The following ATP2B2 variants were observed in gnomAD, a reference collection of about 807,000 sequenced individuals.
ATP2B2 encodes plasma membrane calcium-transporting ATPase 2.
In ATP2B2, 15 loss-of-function variants were observed where a neutral mutation model predicts 120.0. That is an observed-to-expected ratio of 0.12 (90% CI 0.08 to 0.19). The LOEUF is 0.19. ATP2B2 is among the 10% of genes least tolerant of loss of function. The pLI is 1.00. For synonymous variants in ATP2B2, 694 were observed against 700.3 expected (o/e 0.99, Z 0.14); for missense variants, 1,045 against 1,719.8 (o/e 0.61, Z 6.94).
intron 2 of ATP2B2, among the ~76,000 whole-genome samples, chr3:10,556,336 G>T (rs1444193579): frequency 1.3e-5 from 2 of 152,204 alleles, no homozygotes; most frequent in African/African-American, 4.8e-5. Flanking sequence ...CACTAGCACT[G>T]GGGGGACAAG....
At chr3:10,574,226 T>C (rs1486343377) in intron 2 of ATP2B2, among the ~76,000 whole-genome samples, 1 of 152,202 alleles carries the variant, frequency 6.6e-6, no homozygotes, top group East Asian at 1.9e-4. Context: ...CCGCTGAGCC[T>C]AGGAGTCTAT....
chr3:10,402,480 T>G lies in ATP2B2; in HGVS notation c.398-132A>C. 1 of 1,338,694 alleles carries G rather than the reference T, an allele frequency of 7.5e-7. No individual in the cohort carries two copies. Among genetic ancestry groups the G allele is most frequent in the South Asian group, 1.2e-5 (1 of 83,296 alleles). 82.9% of individuals were successfully genotyped at this position (1,338,694 alleles called of 1,614,324 possible). A position where few individuals can be genotyped will look rare whatever the true frequency, so the allele number is the denominator to read the frequency against. ...AGATGATAATTATCCACTTACTCAGTGTGTCTGGGTACCAAGCCCTGTGGA... is the reference window on the plus strand; with the variant it reads ...AGATGATAATTATCCACTTACTCAGGGTGTCTGGGTACCAAGCCCTGTGGA... On this transcript the variant is annotated intron_variant, in intron 3 of 22. Coordinates refer to ENST00000360273, the MANE Select transcript of ATP2B2 (RefSeq NM_001001331.4). This position sits in a 1 kb window ranked among gnomAD's most constrained non-coding sequence, Gnocchi z 4.9.
intron 3 of ATP2B2, among the ~76,000 whole-genome samples, chr3:10,529,678 C>A (rs1177502744): frequency 6.6e-6 from 1 of 152,126 alleles, no homozygotes; most frequent in Non-Finnish European, 1.5e-5. Context: ...TATGTCCTCC[C>A]AAAAAGATAG....
At chr3:10,395,490 C>T (rs1162953017) in intron 5 of ATP2B2, among the ~76,000 whole-genome samples, 4 of 152,198 alleles carry the variant, frequency 2.6e-5, no homozygotes, top group African/African-American at 7.2e-5. Flanking sequence ...GGGAGAAGGC[C>T]ATCACATCTG....
intron 3 of ATP2B2, among the ~76,000 whole-genome samples, chr3:10,529,182 C>T (rs935041838): frequency 1.3e-5 from 2 of 152,216 alleles, no homozygotes; most frequent in African/African-American, 4.8e-5. Flanking sequence ...GTTCTCAGAC[C>T]ACCCAGGAAG....
At chr3:10,501,463 C>T (rs1446181306) in intron 1 of ATP2B2, among the ~76,000 whole-genome samples, 2 of 151,848 alleles carry the variant, frequency 1.3e-5, no homozygotes, top group African/African-American at 2.4e-5. Flanking sequence ...CTTGACCTCC[C>T]GGACTCAAGC....
At position 10,371,986 on chromosome 3, in the gene ATP2B2, T is replaced by G; in HGVS notation, c.1482A>C (p.Thr494=). 6.2e-7 allele frequency: 1 copy of G among 1,614,224 alleles called. No individual in the cohort carries two copies. The highest frequency in any genetic ancestry group is 8.5e-7 in the Non-Finnish European group (1 of 1,180,048). The change falls in exon 12 of 23, where the codon ACA becomes ACC. Residue 494 remains threonine (T), a synonymous_variant. Transcript: ENST00000360273. ...TGCCTGTCTTGTCTGAGCAGATGGC[T>G]GTGGCATTGCCCATGGTCTCACAGG... ...LDACETMGNA[T]AICSDKTGTL...
At chr3:10,557,895 G>C (rs964979946) in intron 2 of ATP2B2, among the ~76,000 whole-genome samples, 1 of 152,050 alleles carries the variant, frequency 6.6e-6, no homozygotes, top group Non-Finnish European at 1.5e-5. Flanking sequence ...GGGCAAACTC[G>C]AAGATCAAGT....
At chr3:10,448,647 G>A (rs2063922425) in intron 2 of ATP2B2, among the ~76,000 whole-genome samples, 1 of 152,110 alleles carries the variant, frequency 6.6e-6, no homozygotes, top group Admixed American at 6.5e-5. Flanking sequence ...CCTCAAGGCA[G>A]GACATACAAG....
chr3:10,504,611 G>T (rs184365822), intron 1 of ATP2B2, among the ~76,000 whole-genome samples: 8 of 152,062 alleles, frequency 5.3e-5, no homozygotes, highest in African/African-American at 1.9e-4. Flanking sequence ...GACAGCCGTG[G>T]TGTGGAATAG....
At chr3:10,685,047 G>C (rs72624427) in intron 1 of ATP2B2, among the ~76,000 whole-genome samples, 1 of 152,102 alleles carries the variant, frequency 6.6e-6, no homozygotes, top group Non-Finnish European at 1.5e-5. Context: ...GGCGATGGTA[G>C]ACAGACTCTC....
At chr3:10,691,534 G>T (rs987475941) in intron 1 of ATP2B2, among the ~76,000 whole-genome samples, 4 of 152,182 alleles carry the variant, frequency 2.6e-5, no homozygotes, top group African/African-American at 9.7e-5. Context: ...TCAGCAGTCT[G>T]CTCCACCACC....
intron 12 of ATP2B2, among the ~76,000 whole-genome samples, chr3:10,362,229 T>C (rs750704710): frequency 6.6e-5 from 10 of 152,218 alleles, no homozygotes; most frequent in Non-Finnish European, 1.5e-4. Flanking sequence ...TCCCTCATAT[T>C]ACCCAAAAGA....
At position 10,340,305 on chromosome 3, in the gene ATP2B2, T is replaced by A. The variant is rs1365239953; in HGVS notation, c.3174A>T (p.Pro1058=). The part of the protein sequence containing the change: ...QFGGKPFSCS[P]LQLDQWMWCI... The stretch of plus-strand genomic sequence containing the variant: ...ACCACATCCACTGGTCCAGCTGCAG[T>A]GGAGAGCAGCTGAATGGCTTCCCTC... The change falls in exon 21 of 23, where the codon CCA becomes CCT. Residue 1058 remains proline (P), a synonymous_variant. Transcript: ENST00000360273. The surrounding 1 kb of genome is among the most constrained non-coding windows in gnomAD (Gnocchi z 5.0). The A allele has an allele frequency of 6.2e-7, 1 of 1,614,216 alleles. No individual in the cohort carries two copies. Among genetic ancestry groups the A allele is most frequent in the Admixed American group, 1.7e-5 (1 of 60,026 alleles).
chr3:10,699,361 C>T (rs2071784553), intron 1 of ATP2B2, among the ~76,000 whole-genome samples: 1 of 152,130 alleles, frequency 6.6e-6, no homozygotes, highest in African/African-American at 2.4e-5. Flanking sequence ...ATGGCAAAGC[C>T]ACTTATAAAA....
intron 2 of ATP2B2, among the ~76,000 whole-genome samples, chr3:10,553,008 C>T (rs572884632): frequency 6.6e-6 from 1 of 152,214 alleles, no homozygotes; most frequent in Non-Finnish European, 1.5e-5. Flanking sequence ...TCCAACTGCT[C>T]TGTCCTCTAT....
Position 10,378,262 on chromosome 3 carries a change from G to A in ATP2B2, c.1191C>T (p.Ile397=), listed in dbSNP as rs745635448. The change falls in exon 10 of 23, where the codon ATC becomes ATT. Residue 397 remains isoleucine, a synonymous_variant. Transcript: ENST00000360273. Reference sequence around the variant, plus strand: ...ACCTGCTGCACTCACCCGCCTTCCCGATCTGCACAGCCAGCTTGGTGAGCT... The same window carrying A: ...ACCTGCTGCACTCACCCGCCTTCCCAATCTGCACAGCCAGCTTGGTGAGCT... ...QGKLTKLAVQ[I]GKAGLVMSAI... 1.5e-5 allele frequency: 24 copies of A among 1,607,506 alleles called. No homozygotes were observed. In the Admixed American group the frequency reaches 1.8e-4, roughly 12 times the overall value.
chr3:10,705,547 C>A (rs1349443149), intron 1 of ATP2B2, among the ~76,000 whole-genome samples: 1 of 152,224 alleles, frequency 6.6e-6, no homozygotes, highest in Non-Finnish European at 1.5e-5. Context: ...TACAAGTCCT[C>A]TTGGAGACAG....
At chr3:10,344,146 A>G (rs1016517380) in intron 18 of ATP2B2, among the ~76,000 whole-genome samples, 1 of 151,350 alleles carries the variant, frequency 6.6e-6, no homozygotes, top group Non-Finnish European at 1.5e-5. Context: ...CTCTAATTCC[A>G]TATACCTCAG....
Sources: allele counts gnomAD v4.1 joint callset (sites outside exome capture counted in the v4.1 genomes callset), GRCh38; gene constraint gnomAD v4.1.1; non-coding constraint Gnocchi (gnomAD v3.1); transcripts MANE v1.5; gene names NCBI Gene and HGNC (gene_info 2026-07-23, HGNC 2026-07-21).